PIK3R6: variants seen among roughly 807,000 people sequenced by gnomAD.
PIK3R6 encodes phosphoinositide 3-kinase regulatory subunit 6.
Under a neutral mutation model 84.9 loss-of-function variants are expected in PIK3R6, and 91 were observed. The observed-to-expected ratio is 1.07, with a 90% CI of 0.90 to 1.28. The LOEUF is 1.28. Among genes scored for constraint, PIK3R6 ranks in the 50% most tolerant of loss-of-function variants. The pLI is 0.00. For synonymous variants in PIK3R6, 416 were observed against 411.4 expected, an observed-to-expected ratio of 1.01 and a Z score of -0.13; for missense variants, 996 against 985.1, an observed-to-expected ratio of 1.01 and a Z score of -0.15.
At chr17:8,812,170 A>G (rs1597377848) in intron 18 of PIK3R6, among the ~76,000 whole-genome samples, 2 of 152,278 alleles carry the variant, frequency 1.3e-5, no homozygotes, top group East Asian at 3.9e-4. Flanking sequence ...TCACTATCAC[A>G]AGAACAGCAC....
chr17:8,849,987 T>C (rs1597432018), intron 1 of PIK3R6, 102 bp from the exon 2 acceptor site: 1 of 587,198 alleles, frequency 1.7e-6, no homozygotes, highest in Non-Finnish European at 2.8e-6. Flanking sequence ...TCTAGCACAC[T>C]GGGGGGAAGT....
At chr17:8,860,294 G>T (rs567314460) in intron 1 of PIK3R6, among the ~76,000 whole-genome samples, 22 of 151,852 alleles carry the variant, frequency 1.4e-4, no homozygotes, top group African/African-American at 4.6e-4. Context: ...TGGGGCGGGG[G>T]GCGGTGTGGG....
intron 7 of PIK3R6, among the ~76,000 whole-genome samples, chr17:8,836,162 C>G (rs2088456276): frequency 6.6e-6 from 1 of 152,216 alleles, no homozygotes; most frequent in Non-Finnish European, 1.5e-5. Context: ...TGCGCCTGAG[C>G]CCCTCCGCTA....
At position 8,803,208 on chromosome 17, in the gene PIK3R6, G is replaced by T; in HGVS notation, c.*65C>A. The stretch of plus-strand genomic sequence containing the variant: ...GGAGCCGGGCCTTGCTCTGGCTGTT[G>T]GTGTGAGTGTTTGGAGTTGGTGGGG... On this transcript the variant is annotated 3_prime_UTR_variant, in exon 20 of 20. Transcript: ENST00000619866. The surrounding 1 kb of genome is among the most constrained non-coding windows in gnomAD (Gnocchi z 5.0). 6.3e-7 allele frequency: 1 copy of T among 1,593,774 alleles called. No individual in the cohort carries two copies. The highest frequency in any genetic ancestry group is 1.3e-5 in the African/African-American group (1 of 74,446).
intron 1 of PIK3R6, among the ~76,000 whole-genome samples, chr17:8,864,487 C>T (rs1289549850): frequency 7.0e-6 from 1 of 142,606 alleles, no homozygotes; most frequent in African/African-American, 2.6e-5. Flanking sequence ...TAACTTATAA[C>T]TAACAGATCC....
At chr17:8,815,237 A>T (rs2087493439) in intron 18 of PIK3R6, among the ~76,000 whole-genome samples, 1 of 152,092 alleles carries the variant, frequency 6.6e-6, no homozygotes, top group Admixed American at 6.6e-5. Flanking sequence ...TAAAAAGTTG[A>T]TCATTCACTC....
chr17:8,823,984 A>G (rs1350021657), intron 13 of PIK3R6, among the ~76,000 whole-genome samples: 1 of 152,110 alleles, frequency 6.6e-6, no homozygotes, highest in Non-Finnish European at 1.5e-5. Flanking sequence ...TAATAAACTA[A>G]TTGGCTGGGT....
Position 8,828,093 on chromosome 17 carries a change from C to T in PIK3R6, c.1392+19G>A, listed in dbSNP as rs1332704424. ...TGCCCTGTCTCTGCCCCGCCACCGCCTCCCCGCGGTCCAGTCACCTCAGGC... is the reference window on the plus strand; with the variant it reads ...TGCCCTGTCTCTGCCCCGCCACCGCTTCCCCGCGGTCCAGTCACCTCAGGC... On this transcript the variant is annotated intron_variant, in intron 12 of 19. Transcript: ENST00000619866. The T allele has an allele frequency of 6.2e-7, 1 of 1,612,550 alleles. No homozygotes were observed. Among genetic ancestry groups the T allele is most frequent in the East Asian group, 2.2e-5 (1 of 44,880 alleles).
rs114233599 is a variant in PIK3R6 at position 8,805,204 on chromosome 17, T to G, written c.1996-1051A>C. 1.5e-3 allele frequency among the ~76,000 whole-genome samples: 230 copies of G among 152,336 alleles called. 3 individuals carry two copies. Among genetic ancestry groups the G allele is most frequent in the African/African-American group, 5.3e-3 (220 of 41,586 alleles). On this transcript the variant is annotated intron_variant, in intron 18 of 19. Coordinates refer to ENST00000619866, the MANE Select transcript of PIK3R6 (RefSeq NM_001010855.4). ...CAGGCTCTAATCCCGGTTCTGCCAC[T>G]TACTAGCTGTGTGACCTTAAGCATG...
rs377044921 is a variant in PIK3R6, at chr17:8,805,893, G to A, written c.1996-1740C>T. Among the ~76,000 whole-genome samples, 16 of 151,936 alleles carry A rather than the reference G, an allele frequency of 1.1e-4. No individual in the cohort carries two copies. The East Asian group carries it at 2.9e-3, about 28-fold the overall frequency. ...AGATTGCACCACTGCACTCCAGCCC[G>A]GGCAACAGAATGAGACTCTGTCTCA... On this transcript the variant is annotated intron_variant, in intron 18 of 19. Transcript: ENST00000619866.
chr17:8,828,416 C>A lies in PIK3R6; in HGVS notation c.1313+151G>T. On this transcript the variant is annotated intron_variant, in intron 11 of 19. Transcript: ENST00000619866. Reference sequence around the variant, plus strand: ...CAGGGATTGCGGTGCTCTGTGACGGCTGCGGGCACTGTGCGGCATCCTCCT... The same window carrying A: ...CAGGGATTGCGGTGCTCTGTGACGGATGCGGGCACTGTGCGGCATCCTCCT... The A allele has an allele frequency of 3.8e-6, 4 of 1,046,468 alleles. No individual in the cohort carries two copies. The South Asian group carries it at 6.3e-5, about 16-fold the overall frequency. The allele number at this position is 1,046,468 out of a possible 1,614,324, so 64.8% of individuals were successfully genotyped here. A position where few individuals can be genotyped will look rare whatever the true frequency, so the allele number is the denominator to read the frequency against.
At position 8,839,445 on chromosome 17, in the gene PIK3R6, C is replaced by G. The variant is rs764283745; in HGVS notation, c.97+169G>C. Among the ~76,000 whole-genome samples, 23 of 152,176 alleles carry G rather than the reference C, an allele frequency of 1.5e-4. No homozygotes were observed. Among genetic ancestry groups the G allele is most frequent in the Non-Finnish European group, 2.4e-4 (16 of 68,026 alleles). Reference sequence around the variant, plus strand: ...AGGGTTGAACTAGGGAGCAGAGAAGCCTTCTCAGTCCTTCAGGCTCTAGGT... The same window carrying G: ...AGGGTTGAACTAGGGAGCAGAGAAGGCTTCTCAGTCCTTCAGGCTCTAGGT... On this transcript the variant is annotated intron_variant, in intron 3 of 19. Coordinates refer to ENST00000619866, the MANE Select transcript of PIK3R6 (RefSeq NM_001010855.4). The surrounding 1 kb of genome is among the most constrained non-coding windows in gnomAD (Gnocchi z 4.2).
At chr17:8,865,560 C>T (rs940963466) in intron 1 of PIK3R6, among the ~76,000 whole-genome samples, 1 of 152,122 alleles carries the variant, frequency 6.6e-6, no homozygotes, top group East Asian at 1.9e-4. Context: ...CTGCCTCGTG[C>T]CCTCAGGGTT....
rs1318990076 is a variant in PIK3R6, at chr17:8,836,952, G to A, written c.259-29C>T. On this transcript the variant is annotated intron_variant, in intron 5 of 19. Transcript: ENST00000619866. ...GGTGAGAGGGAGGAGGGGGAGGTGA[G>A]AGGGAGGAGGTGGAGGTAAGAGGGA... The A allele has an allele frequency of 4.7e-6, 7 of 1,497,652 alleles. No individual in the cohort carries two copies. In the Admixed American group the frequency reaches 9.9e-5, roughly 21 times the overall value. 92.8% of individuals were successfully genotyped at this position (1,497,652 alleles called of 1,614,324 possible). A position where few individuals can be genotyped will look rare whatever the true frequency, so the allele number is the denominator to read the frequency against.
chr17:8,857,018 C>A (rs1787319107), intron 1 of PIK3R6, among the ~76,000 whole-genome samples: 1 of 82,028 alleles, frequency 1.2e-5, no homozygotes, highest in South Asian at 2.6e-4. Context: ...AGCTGGCTCC[C>A]CCTCGACATT....
intron 18 of PIK3R6, among the ~76,000 whole-genome samples, chr17:8,805,728 C>T (rs2087185397): frequency 6.6e-6 from 1 of 152,012 alleles, no homozygotes; most frequent in East Asian, 1.9e-4. Context: ...TCAGCCTGGC[C>T]AACATGGTGA....
intron 17 of PIK3R6, 66 bp from the exon 18 acceptor site, chr17:8,819,264 C>T (rs2087640887): frequency 9.1e-6 from 11 of 1,215,082 alleles, no homozygotes; most frequent in Middle Eastern, 2.0e-4. Flanking sequence ...TATTCTAGGT[C>T]TCAAGATCTC....
chr17:8,827,155 C>T lies in PIK3R6; in HGVS notation c.1515+17G>A, dbSNP rs766093030. 42 of 1,611,362 alleles carry T rather than the reference C, an allele frequency of 2.6e-5. No homozygotes were observed. In the South Asian group the frequency reaches 3.8e-4, roughly 14 times the overall value. ...CCCGTCCCTCTCTCCCTCCCTGGTA[C>T]CCTCACCCTCCCCTACCATCTCAGC... is the stretch of plus-strand genomic sequence containing the variant. On this transcript the variant is annotated intron_variant, in intron 13 of 19. Coordinates refer to ENST00000619866, the MANE Select transcript of PIK3R6 (RefSeq NM_001010855.4).
In PIK3R6 at chr17:8,803,570, GAAGA is replaced by G. The variant is rs2087107427; in HGVS notation, c.2109-145_2109-142del. 2.4e-6 allele frequency: 2 copies of G among 840,852 alleles called. No homozygotes were observed. Among genetic ancestry groups the G allele is most frequent in the Non-Finnish European group, 3.5e-6 (2 of 565,760 alleles). 52.1% of individuals were successfully genotyped at this position (840,852 alleles called of 1,614,324 possible). ...GGAGGCGGCTACACAGAAGAAAGAG[GAAGA>G]GTCAGGACAAGAAAGAAAAACCTGG... On this transcript the variant is annotated intron_variant, in intron 19 of 19. Coordinates refer to ENST00000619866, the MANE Select transcript of PIK3R6 (RefSeq NM_001010855.4). The surrounding 1 kb of genome is among the most constrained non-coding windows in gnomAD (Gnocchi z 5.0).
Sources: gnomAD v4.1 joint callset for allele counts (sites outside exome capture counted in the v4.1 genomes callset) on GRCh38, gnomAD v4.1.1 for gene constraint, Gnocchi (gnomAD v3.1) non-coding constraint, MANE v1.5 for transcripts, NCBI Gene and HGNC (gene_info 2026-07-23, HGNC 2026-07-21) for gene names.